PTPRT: variants seen among roughly 807,000 people sequenced by gnomAD.
PTPRT encodes the protein protein tyrosine phosphatase receptor type T, also known as receptor-type tyrosine-protein phosphatase T.
PTPRT carries 56 observed loss-of-function variants against 176.8 expected under a neutral mutation model. The observed-to-expected ratio is 0.32, with a 90% CI of 0.26 to 0.40. The LOEUF is 0.40. PTPRT is among the 10% of genes least tolerant of loss of function. The pLI, the probability that PTPRT is intolerant of heterozygous loss-of-function variation, is 1.00. For missense variants in PTPRT, 1,540 were observed against 1,908.2 expected (o/e 0.81, Z 3.60); for synonymous variants, 783 against 739.0 (o/e 1.06, Z -0.96).
chr20:42,922,269 C>T (rs1600559548), intron 1 of PTPRT, among the ~76,000 whole-genome samples: 1 of 152,134 alleles, frequency 6.6e-6, no homozygotes, highest in East Asian at 1.9e-4. Flanking sequence ...ATGCTGGACT[C>T]TCTCCCTCAT....
chr20:42,489,291 T>C (rs1468232625), intron 7 of PTPRT, among the ~76,000 whole-genome samples: 2 of 152,090 alleles, frequency 1.3e-5, no homozygotes, highest in South Asian at 2.1e-4. Context: ...TGAAGTTAGG[T>C]ATAGCCATGA....
At chr20:42,184,575 T>TCTTCTTCTTCTTCTG (rs1990674767) in intron 16 of PTPRT, among the ~76,000 whole-genome samples, 20 of 138,864 alleles carry the variant, frequency 1.4e-4, no homozygotes, top group African/African-American at 5.5e-4. Context: ...TTCTTCTTCT[T>TCTTCTTCTTCTTCTG]CTTCTTCTTC....
intron 7 of PTPRT, among the ~76,000 whole-genome samples, chr20:42,558,385 G>T (rs1323103068): frequency 6.6e-6 from 1 of 152,066 alleles, no homozygotes; most frequent in African/African-American, 2.4e-5. Context: ...GGGCATTTAG[G>T]TTGATTCCAT....
At chr20:42,053,652 GCAAA>G in the PTPRT span, among the ~76,000 whole-genome samples, 2 of 152,204 alleles carry the variant, frequency 1.3e-5, no homozygotes, top group African/African-American at 4.8e-5. Flanking sequence ...TGGACGTCTT[GCAAA>G]CAAACCCACC....
chr20:42,781,156 T>C (rs1236398237), intron 3 of PTPRT, among the ~76,000 whole-genome samples: 2 of 150,588 alleles, frequency 1.3e-5, no homozygotes, highest in African/African-American at 2.5e-5. Context: ...CTGCTTTTCT[T>C]ATCTAATCCT....
In PTPRT at chr20:42,161,471, G is replaced by A. The variant is rs1343257768; in HGVS notation, c.2563C>T (p.Pro855Ser). 1.2e-6 allele frequency: 2 copies of A among 1,614,096 alleles called. No homozygotes were observed. The highest frequency in any genetic ancestry group is 1.3e-5 in the African/African-American group (1 of 75,040). Residue 855 changes from proline (P) to serine (S), a missense_variant, in exon 17 of 31, where the codon CCT becomes TCT. This residue lies in a region of PTPRT where 255 missense variants were observed against 250.1 expected (regional missense o/e 1.02). Coordinates refer to ENST00000373187, the MANE Select transcript of PTPRT (RefSeq NM_007050.6). ...TCCCGGGGGTAGCTCATCTCCACAG[G>A]GTCACAGGTGCGGTAGGGATGAGTC... Reference protein sequence around the residue: ...IQTHPYRTCDPVEMSYPRDQF... With the variant: ...IQTHPYRTCDSVEMSYPRDQF...
chr20:42,471,313 A>T (rs960195578), intron 8 of PTPRT, among the ~76,000 whole-genome samples: 3 of 152,136 alleles, frequency 2.0e-5, no homozygotes, highest in Non-Finnish European at 4.4e-5. Context: ...TCCCCTCCCA[A>T]ATCTCATGTT....
chr20:43,024,589 CA>C (rs34972558), intron 1 of PTPRT, among the ~76,000 whole-genome samples: 7,931 of 81,310 alleles, frequency 0.098, 557 homozygotes, highest in African/African-American at 0.28. Flanking sequence ...GACTCCATCT[CA>C]AAAAAAAAAA....
Position 42,714,301 on chromosome 20 carries a change from C to T in PTPRT, c.860-36142G>A, listed in dbSNP as rs151123957. 1.1e-3 allele frequency among the ~76,000 whole-genome samples: 170 copies of T among 152,328 alleles called. 1 individual carries two copies. Among genetic ancestry groups the T allele is most frequent in the Middle Eastern group, 0.01 (3 of 294 alleles). ...CAGCTGCCTGATGAGCATTTTCTCA[C>T]TTTACTGTCATCTGGCAACATCCTA... On this transcript the variant is annotated intron_variant, in intron 6 of 30. Coordinates refer to ENST00000373187, the MANE Select transcript of PTPRT (RefSeq NM_007050.6).
intron 1 of PTPRT, among the ~76,000 whole-genome samples, chr20:42,913,869 G>C (rs1600550792): frequency 6.6e-6 from 1 of 152,290 alleles, no homozygotes; most frequent in East Asian, 1.9e-4. Context: ...ACCAGAATGA[G>C]TGTGAGATTT....
intron 2 of PTPRT, among the ~76,000 whole-genome samples, chr20:42,818,731 A>G (rs1352154175): frequency 6.6e-6 from 1 of 152,244 alleles, no homozygotes; most frequent in Non-Finnish European, 1.5e-5. Flanking sequence ...TGAAAAACAC[A>G]GCACGAGAAC....
chr20:42,651,078 G>T (rs1425489741), intron 7 of PTPRT, among the ~76,000 whole-genome samples: 3 of 151,918 alleles, frequency 2.0e-5, no homozygotes, highest in Non-Finnish European at 4.4e-5. Context: ...TAATTAAATG[G>T]CTCTTATATC....
Position 43,151,331 on chromosome 20 carries a change from A to C in PTPRT, c.88+38315T>G, listed in dbSNP as rs973483697. On this transcript the variant is annotated intron_variant, in intron 1 of 30. Transcript: ENST00000373187. Reference sequence around the variant, plus strand: ...TCCGTCTCAAACAAAAAAAAAAAAAAAAAAGGCATGGACTCCATGGCATAG... The same window carrying C: ...TCCGTCTCAAACAAAAAAAAAAAAACAAAAGGCATGGACTCCATGGCATAG... 3.2e-3 allele frequency among the ~76,000 whole-genome samples: 493 copies of C among 151,798 alleles called. 3 individuals are homozygous for C. The highest frequency in any genetic ancestry group is 5.4e-3 in the Non-Finnish European group (366 of 67,884).
At chr20:42,278,759 C>G (rs1178708150) in intron 13 of PTPRT, among the ~76,000 whole-genome samples, 2 of 152,140 alleles carry the variant, frequency 1.3e-5, no homozygotes, top group African/African-American at 2.4e-5. Flanking sequence ...CCTGGGGCAT[C>G]TTCTACCAGA....
chr20:42,347,637 A>G (rs972513206), intron 11 of PTPRT, among the ~76,000 whole-genome samples: 5 of 152,174 alleles, frequency 3.3e-5, no homozygotes, highest in Admixed American at 6.5e-5. Context: ...CCATGATTCA[A>G]TAGCATCACC....
chr20:42,346,872 T>C (rs2058202346), intron 11 of PTPRT, among the ~76,000 whole-genome samples: 1 of 152,184 alleles, frequency 6.6e-6, no homozygotes, highest in Non-Finnish European at 1.5e-5. Flanking sequence ...TCACAAGTGA[T>C]AGACCGGGCT....
chr20:42,092,864 G>T (rs986386667), intron 27 of PTPRT, among the ~76,000 whole-genome samples: 2 of 152,170 alleles, frequency 1.3e-5, no homozygotes, highest in African/African-American at 4.8e-5. Flanking sequence ...CATTATCCTT[G>T]CACTCAGGCA....
At chr20:42,113,176 G>T (rs1278194317) in intron 22 of PTPRT, among the ~76,000 whole-genome samples, 2 of 152,178 alleles carry the variant, frequency 1.3e-5, no homozygotes, top group South Asian at 2.1e-4. Flanking sequence ...GGCCCTTGGG[G>T]TCTTTTAAGG....
intron 1 of PTPRT, among the ~76,000 whole-genome samples, chr20:43,179,299 A>G (rs543244144): frequency 1.8e-4 from 28 of 152,316 alleles, no homozygotes; most frequent in African/African-American, 6.7e-4. Flanking sequence ...TTTACATCAG[A>G]CTTTTTAATT....
Sources: gnomAD v4.1 joint callset for allele counts (sites outside exome capture counted in the v4.1 genomes callset) on GRCh38, gnomAD v4.1.1 for gene constraint, gnomAD v4.1.1 regional missense constraint, MANE v1.5 for transcripts, NCBI Gene and HGNC (gene_info 2026-07-23, HGNC 2026-07-21) for gene names.